WDR70: variants seen among roughly 807,000 people sequenced by gnomAD.
WDR70 encodes WD repeat-containing protein 70.
A neutral mutation model predicts 88.6 loss-of-function variants in WDR70; 53 were observed. The observed-to-expected ratio is 0.60, with a 90% CI of 0.48 to 0.75. The LOEUF (loss-of-function observed/expected upper bound fraction) is 0.75, where lower values mean the gene tolerates loss of function less well. Among genes scored for constraint, WDR70 ranks in the 30% least tolerant of loss-of-function variants. The pLI is 0.00. For synonymous variants in WDR70, 280 were observed against 270.0 expected (o/e 1.04, Z -0.36); for missense variants, 610 against 823.2 (o/e 0.74, Z 3.17).
chr5:37,493,667 A>G (rs1278779469), intron 8 of WDR70, among the ~76,000 whole-genome samples: 1 of 152,146 alleles, frequency 6.6e-6, no homozygotes, highest in Non-Finnish European at 1.5e-5. Context: ...TCGGGGGTGT[A>G]CTAAGTCCCT....
At chr5:37,430,420 G>A (rs1750265525) in intron 5 of WDR70, among the ~76,000 whole-genome samples, 1 of 152,148 alleles carries the variant, frequency 6.6e-6, no homozygotes. Context: ...TTGGACATGA[G>A]GGTAAATGGC....
intron 10 of WDR70, among the ~76,000 whole-genome samples, chr5:37,636,039 T>A (rs186742568): frequency 1.3e-5 from 2 of 152,212 alleles, no homozygotes; most frequent in South Asian, 4.1e-4. Context: ...CCTGTGGAAC[T>A]GTAAGTCAAT....
intron 9 of WDR70, among the ~76,000 whole-genome samples, chr5:37,571,327 A>G (rs1264661987): frequency 6.6e-6 from 1 of 152,196 alleles, no homozygotes; most frequent in Admixed American, 6.5e-5. Flanking sequence ...TAGATAGGTA[A>G]TAATCTATAA....
intron 13 of WDR70, among the ~76,000 whole-genome samples, chr5:37,705,505 G>A (rs186690507): frequency 2.6e-3 from 390 of 152,132 alleles, no homozygotes; most frequent in Middle Eastern, 6.8e-3. Flanking sequence ...TTTAGTGAGG[G>A]TGAAGGCTTG....
intron 8 of WDR70, among the ~76,000 whole-genome samples, chr5:37,488,639 A>G (rs1298303160): frequency 6.6e-6 from 1 of 150,894 alleles, no homozygotes; most frequent in African/African-American, 2.4e-5. Context: ...TTATTCTAAG[A>G]TTTTGTTTTT....
At chr5:37,563,560 C>A (rs1581396789) in intron 9 of WDR70, among the ~76,000 whole-genome samples, 1 of 39,140 alleles carries the variant, frequency 2.6e-5, no homozygotes. Context: ...GGGGGGCTGA[C>A]CCCCCCCCAC....
intron 8 of WDR70, among the ~76,000 whole-genome samples, chr5:37,483,510 A>C (rs1047110564): frequency 1.3e-5 from 2 of 152,234 alleles, no homozygotes; most frequent in African/African-American, 4.8e-5. Flanking sequence ...CTTTCTACAC[A>C]GACACGGCAA....
chr5:37,584,715 G>A (rs1239676253), intron 9 of WDR70, among the ~76,000 whole-genome samples: 4 of 151,810 alleles, frequency 2.6e-5, no homozygotes, highest in East Asian at 1.9e-4. Context: ...TTGAGAAACC[G>A]TAAGCACCTG....
chr5:37,444,480 A>G (rs1581283407), intron 7 of WDR70, among the ~76,000 whole-genome samples: 1 of 151,482 alleles, frequency 6.6e-6, no homozygotes, highest in South Asian at 2.1e-4. Flanking sequence ...CTGGGACTAT[A>G]TGGGTGTGCA....
intron 17 of WDR70, among the ~76,000 whole-genome samples, chr5:37,737,532 C>G (rs568133572): frequency 2.0e-5 from 3 of 152,198 alleles, no homozygotes; most frequent in Admixed American, 6.5e-5. Flanking sequence ...TCCGCCACCC[C>G]CTGGCGAGTT....
chr5:37,738,158 CTG>C (rs1297669739), intron 17 of WDR70, among the ~76,000 whole-genome samples: 1 of 152,044 alleles, frequency 6.6e-6, no homozygotes, highest in Non-Finnish European at 1.5e-5. Context: ...ATTGTGATGA[CTG>C]TGTCAGAGTT....
chr5:37,721,831 A>G (rs1420480848), intron 14 of WDR70: 2 of 152,280 alleles, frequency 1.3e-5, no homozygotes, highest in Non-Finnish European at 2.9e-5. Flanking sequence ...CATCACCCAG[A>G]AAAGATGGTT....
intron 7 of WDR70, among the ~76,000 whole-genome samples, chr5:37,472,214 C>T (rs1224539473): frequency 1.3e-5 from 2 of 151,966 alleles, no homozygotes; most frequent in East Asian, 1.9e-4. Context: ...TATTTGCATA[C>T]ACTTGCATAA....
chr5:37,386,971 C>T (rs148688320), intron 3 of WDR70, among the ~76,000 whole-genome samples: 2 of 151,954 alleles, frequency 1.3e-5, no homozygotes, highest in African/African-American at 4.8e-5. Context: ...GGGTGGTGGG[C>T]ACCTGTAGTG....
chr5:37,708,093 TC>T (rs1747410690), intron 13 of WDR70, among the ~76,000 whole-genome samples: 1 of 149,162 alleles, frequency 6.7e-6, no homozygotes, highest in Non-Finnish European at 1.5e-5. Flanking sequence ...TATTTGATTT[TC>T]TTTGGGACGT....
chr5:37,455,636 C>CTGTTTTTTTTT (rs1738812889), intron 7 of WDR70, among the ~76,000 whole-genome samples: 1 of 70,422 alleles, frequency 1.4e-5, no homozygotes, highest in Non-Finnish European at 2.6e-5. Context: ...TTCTCTTTAT[C>CTGTTTTTTTTT]TTTTTTTTTT....
chr5:37,450,979 A>G (rs1374997079), intron 7 of WDR70, among the ~76,000 whole-genome samples: 7 of 151,166 alleles, frequency 4.6e-5, no homozygotes, highest in Non-Finnish European at 1.0e-4. Context: ...GCTCACCGCA[A>G]CCTCCACCTC....
intron 13 of WDR70, among the ~76,000 whole-genome samples, chr5:37,715,585 G>A (rs760348732): frequency 6.6e-6 from 1 of 152,128 alleles, no homozygotes; most frequent in African/African-American, 2.4e-5. Flanking sequence ...ACTTCAGAGG[G>A]ATGAAGCCAA....
chr5:37,572,177 G>A (rs146273461), intron 9 of WDR70, among the ~76,000 whole-genome samples: 19 of 152,148 alleles, frequency 1.2e-4, no homozygotes, highest in African/African-American at 4.3e-4. Flanking sequence ...ACTTCAGTAG[G>A]CAATCCCTTC....
Sources: gnomAD v4.1 joint callset for allele counts (sites outside exome capture counted in the v4.1 genomes callset) on GRCh38, gnomAD v4.1.1 for gene constraint, MANE v1.5 for transcripts, NCBI Gene and HGNC (gene_info 2026-07-23, HGNC 2026-07-21) for gene names.